Variants in GRID2 observed in about 807,000 individuals in gnomAD.
GRID2 encodes glutamate receptor ionotropic, delta-2.
A neutral mutation model predicts 114.8 loss-of-function variants in GRID2; 33 were observed. The observed-to-expected ratio is 0.29, with a 90% CI of 0.22 to 0.38. The LOEUF (loss-of-function observed/expected upper bound fraction) is 0.38. Among genes scored for constraint, GRID2 ranks in the 10% least tolerant of loss-of-function variants. The pLI is 1.00. For missense variants in GRID2, 1,184 were observed against 1,257.7 expected (o/e 0.94, Z 0.89); for synonymous variants, 505 against 449.9 (o/e 1.12, Z -1.55).
At chr4:92,936,141 TTTG>T (rs1199071715) in intron 2 of GRID2, among the ~76,000 whole-genome samples, 5 of 146,878 alleles carry the variant, frequency 3.4e-5, no homozygotes, top group African/African-American at 9.7e-5. Flanking sequence ...TAAAGTATAT[TTTG>T]TTATCTCTTT....
At chr4:92,800,118 T>G (rs891735184) in intron 2 of GRID2, among the ~76,000 whole-genome samples, 4 of 151,834 alleles carry the variant, frequency 2.6e-5, no homozygotes, top group Admixed American at 6.6e-5. Flanking sequence ...ATTACCCCTT[T>G]TTATATATTA....
chr4:93,345,129 A>G (rs1760088017), intron 8 of GRID2, among the ~76,000 whole-genome samples: 1 of 152,012 alleles, frequency 6.6e-6, no homozygotes, highest in South Asian at 2.1e-4. Context: ...AAGTGCAAAT[A>G]TCTCTTTAAC....
intron 14 of GRID2, among the ~76,000 whole-genome samples, chr4:93,634,036 G>A (rs1011378467): frequency 5.9e-5 from 9 of 152,108 alleles, no homozygotes; most frequent in African/African-American, 2.2e-4. Flanking sequence ...CAGTTAACTG[G>A]CTTCCCTTTA....
intron 2 of GRID2, among the ~76,000 whole-genome samples, chr4:92,731,897 T>G (rs1014046384): frequency 6.6e-6 from 1 of 151,984 alleles, no homozygotes; most frequent in Non-Finnish European, 1.5e-5. Flanking sequence ...AAGGAGTGTT[T>G]GAAATCATAG....
intron 1 of GRID2, among the ~76,000 whole-genome samples, chr4:93,783,929 A>G (rs4693342): frequency 0.89 from 131,247 of 148,108 alleles, 58,167 homozygotes; most frequent in East Asian, 0.98. Flanking sequence ...AAAATTAGCC[A>G]GGCGTAGTGG....
intron 8 of GRID2, among the ~76,000 whole-genome samples, chr4:93,277,063 A>G (rs1448498436): frequency 6.6e-6 from 1 of 151,904 alleles, no homozygotes; most frequent in Non-Finnish European, 1.5e-5. Flanking sequence ...AGATGCATAA[A>G]TGTTTACATG....
At chr4:93,060,016 G>T (rs904903832) in intron 2 of GRID2, among the ~76,000 whole-genome samples, 7 of 151,700 alleles carry the variant, frequency 4.6e-5, no homozygotes, top group Non-Finnish European at 1.0e-4. Context: ...CTTTCTCAGA[G>T]ATTTTTTTTG....
At chr4:92,868,376 G>A (rs1359701384) in intron 2 of GRID2, among the ~76,000 whole-genome samples, 1 of 152,006 alleles carries the variant, frequency 6.6e-6, no homozygotes, top group Non-Finnish European at 1.5e-5. Context: ...TTAAGCCTTA[G>A]GAGATTTGGT....
chr4:93,212,643 A>G (rs1227913838), intron 5 of GRID2, among the ~76,000 whole-genome samples: 1 of 152,154 alleles, frequency 6.6e-6, no homozygotes, highest in East Asian at 1.9e-4. Context: ...GATAATATCA[A>G]ATATGACCTT....
At chr4:93,487,039 T>C (rs1278957840) in intron 11 of GRID2, among the ~76,000 whole-genome samples, 1 of 151,782 alleles carries the variant, frequency 6.6e-6, no homozygotes, top group East Asian at 1.9e-4. Flanking sequence ...TTCTATTTCT[T>C]TGGGGAGGAA....
intron 2 of GRID2, among the ~76,000 whole-genome samples, chr4:93,027,160 T>C (rs1388470921): frequency 6.6e-6 from 1 of 152,076 alleles, no homozygotes; most frequent in Admixed American, 6.6e-5. Flanking sequence ...TTTTTGGTAG[T>C]GGTGATTTAT....
chr4:93,793,476 T>G (rs114662924), intron 1 of GRID2, among the ~76,000 whole-genome samples: 1,723 of 152,246 alleles, frequency 0.011, 40 homozygotes, highest in African/African-American at 0.04. Context: ...AACTTCCAAT[T>G]CCTCCTATGT....
intron 2 of GRID2, among the ~76,000 whole-genome samples, chr4:92,995,702 C>T (rs1021546703): frequency 6.6e-6 from 1 of 152,128 alleles, no homozygotes; most frequent in Non-Finnish European, 1.5e-5. Flanking sequence ...GATATCATTT[C>T]ATGTCATCTG....
intron 1 of GRID2, among the ~76,000 whole-genome samples, chr4:92,502,909 G>T (rs1723761276): frequency 6.6e-6 from 1 of 151,490 alleles, no homozygotes; most frequent in Admixed American, 6.6e-5. Context: ...GTAGAGACGG[G>T]GTTTCACCAT....
intron 8 of GRID2, among the ~76,000 whole-genome samples, chr4:93,358,540 A>G (rs1411976535): frequency 1.3e-5 from 2 of 152,010 alleles, no homozygotes; most frequent in Admixed American, 1.3e-4. Flanking sequence ...GTTAGAAAAT[A>G]GATAAATGGG....
chr4:93,437,944 G>T (rs1409589001), intron 10 of GRID2, among the ~76,000 whole-genome samples: 2 of 151,960 alleles, frequency 1.3e-5, no homozygotes, highest in Non-Finnish European at 2.9e-5. Context: ...ATCTATAAAT[G>T]GGCATATATA....
chr4:93,515,526 A>T, intron 13 of GRID2, 115 bp downstream of exon 13: 1 of 680,062 alleles, frequency 1.5e-6, no homozygotes, highest in Non-Finnish European at 2.5e-6. Flanking sequence ...TTTAATGCTG[A>T]CGGCAAATTT....
intron 2 of GRID2, among the ~76,000 whole-genome samples, chr4:92,726,090 GATCTACTC>G (rs1044101375): frequency 3.3e-5 from 5 of 152,088 alleles, no homozygotes; most frequent in Non-Finnish European, 7.4e-5. Flanking sequence ...AGAGAAAAGA[GATCTACTC>G]ATCTTGTATT....
chr4:93,806,449 T>C (rs1188678018), intron 1 of GRID2, among the ~76,000 whole-genome samples: 3 of 152,212 alleles, frequency 2.0e-5, no homozygotes, highest in Non-Finnish European at 4.4e-5. Flanking sequence ...AATCCAGACC[T>C]GGATGAACTC....
Sources: allele counts gnomAD v4.1 joint callset (sites outside exome capture counted in the v4.1 genomes callset), GRCh38; gene constraint gnomAD v4.1.1; transcripts MANE v1.5; gene names NCBI Gene and HGNC (gene_info 2026-07-23, HGNC 2026-07-21).